Variants in NBEAL1 observed in about 807,000 individuals in gnomAD.
NBEAL1 encodes the protein neurobeachin like 1, also known as neurobeachin-like protein 1.
In NBEAL1, 273 loss-of-function variants were observed where a neutral mutation model predicts 351.3. That is an observed-to-expected ratio of 0.78 (90% CI 0.70 to 0.86). The LOEUF (loss-of-function observed/expected upper bound fraction) is 0.86. Ranked by LOEUF, NBEAL1 falls within the 40% of genes least tolerant of loss-of-function variation. NBEAL1 has a pLI of 0.00. For missense variants in NBEAL1, 2,961 were observed against 3,201.3 expected (o/e 0.92, Z 1.81); for synonymous variants, 1,050 against 1,086.4 (o/e 0.97, Z 0.66).
chr2:203,137,444 C>T (rs770869088), intron 29 of NBEAL1, among the ~76,000 whole-genome samples: 4 of 152,018 alleles, frequency 2.6e-5, no homozygotes, highest in South Asian at 2.1e-4. Flanking sequence ...GGTAGTACAC[C>T]GGGGAAGTAT....
chr2:203,134,355 A>C (rs1480783320), intron 27 of NBEAL1, among the ~76,000 whole-genome samples: 1 of 152,202 alleles, frequency 6.6e-6, no homozygotes, highest in Non-Finnish European at 1.5e-5. Flanking sequence ...TTTGCCAAGT[A>C]AAGCTTAATC....
chr2:203,140,208 T>C (rs1575031094), intron 31 of NBEAL1, among the ~76,000 whole-genome samples: 1 of 150,538 alleles, frequency 6.6e-6, no homozygotes, highest in Non-Finnish European at 1.5e-5. Context: ...GGTGCTGAGG[T>C]AGGAGAATCA....
At chr2:203,210,778 G>A (rs77355540) in intron 53 of NBEAL1, among the ~76,000 whole-genome samples, 180 bp from the exon 54 acceptor site, 2,092 of 152,202 alleles carry the variant, frequency 0.014, 37 homozygotes, top group Admixed American at 0.046. Flanking sequence ...TATTTACTTG[G>A]CAATCTGATT....
rs1483783095 is a variant in NBEAL1, at chr2:203,016,270, T to G, written c.-115T>G. ...TTTGTTTCACTTCTTTTTGCTTTCT[T>G]TACTGCTATGAGCTTTACTGAACGG... On this transcript the variant is annotated 5_prime_UTR_variant, in exon 2 of 56. Coordinates refer to ENST00000683969, the MANE Select transcript of NBEAL1 (RefSeq NM_001378026.1). 3.2e-6 allele frequency: 2 copies of G among 632,186 alleles called. No individual in the cohort carries two copies. The highest frequency in any genetic ancestry group is 3.7e-5 in the African/African-American group (2 of 53,432). 39.2% of individuals were successfully genotyped at this position (632,186 alleles called of 1,614,324 possible).
chr2:203,151,997 G>T (rs958351607), intron 35 of NBEAL1, among the ~76,000 whole-genome samples: 1 of 150,626 alleles, frequency 6.6e-6, no homozygotes, highest in Non-Finnish European at 1.5e-5. Context: ...TCACTCTGTC[G>T]CCCAGGCTGA....
At chr2:203,059,714 A>C (rs1163266058) in intron 6 of NBEAL1, among the ~76,000 whole-genome samples, 4 of 152,154 alleles carry the variant, frequency 2.6e-5, no homozygotes, top group Non-Finnish European at 2.9e-5. Flanking sequence ...CCTGCTTATG[A>C]GTCTTTAAAG....
rs1314844010 is a variant in NBEAL1 at position 203,197,319 on chromosome 2, T to C, written c.7056T>C (p.Ile2352=). Reference sequence around the variant, plus strand: ...TTTTATAGGGGATTAGTGATGGTATTCCACTATTAAAGGCCACCATCCCCA... The same window carrying C: ...TTTTATAGGGGATTAGTGATGGTATCCCACTATTAAAGGCCACCATCCCCA... The part of the protein sequence containing the change: ...SFFIEGISDG[I]PLLKATIPKN... Residue 2352 remains isoleucine (I), a synonymous_variant, in exon 48 of 56, where the codon ATT becomes ATC. Transcript: ENST00000683969. The C allele has an allele frequency of 1.2e-5, 19 of 1,589,552 alleles. No homozygotes were observed. In the Middle Eastern group the frequency reaches 6.7e-4, roughly 56 times the overall value.
At chr2:203,057,846 T>G (rs1429444358) in intron 6 of NBEAL1, among the ~76,000 whole-genome samples, 1 of 150,696 alleles carries the variant, frequency 6.6e-6, no homozygotes, top group African/African-American at 2.4e-5. Context: ...TTTGTTTTTT[T>G]GTCTTTTTGA....
intron 54 of NBEAL1, 111 bp from the exon 55 acceptor site, chr2:203,213,407 A>G: frequency 2.0e-6 from 2 of 1,016,514 alleles, no homozygotes; most frequent in South Asian, 3.4e-5. Context: ...CCACATCTGT[A>G]AAATTAGAAT....
intron 6 of NBEAL1, among the ~76,000 whole-genome samples, chr2:203,064,382 G>A (rs2061548231): frequency 6.6e-6 from 1 of 152,050 alleles, no homozygotes; most frequent in Non-Finnish European, 1.5e-5. Flanking sequence ...GTCTCCCCAC[G>A]ATTACTTATT....
intron 27 of NBEAL1, among the ~76,000 whole-genome samples, chr2:203,133,792 T>C (rs913630928): frequency 6.6e-6 from 1 of 151,232 alleles, no homozygotes; most frequent in Non-Finnish European, 1.5e-5. Flanking sequence ...CACACACATA[T>C]ATAATTTATT....
At chr2:203,208,847 A>T in intron 52 of NBEAL1, 94 bp downstream of exon 52, 1 of 898,922 alleles carries the variant, frequency 1.1e-6, no homozygotes, top group South Asian at 1.8e-5. Context: ...AATTGATAAG[A>T]GTATAGAAAT....
At chr2:203,053,692 A>AT (rs988025719) in intron 4 of NBEAL1, among the ~76,000 whole-genome samples, 6 of 151,310 alleles carry the variant, frequency 4.0e-5, no homozygotes, top group African/African-American at 9.7e-5. Flanking sequence ...ATTTTTTTTA[A>AT]TTTTTTGTAG....
chr2:203,139,701 A>G (rs1263335562), intron 31 of NBEAL1, among the ~76,000 whole-genome samples: 1 of 149,562 alleles, frequency 6.7e-6, no homozygotes, highest in Admixed American at 6.7e-5. Flanking sequence ...AGTAGCTGGG[A>G]CTACGGGTGC....
At chr2:203,037,558 G>A (rs1377962443) in intron 2 of NBEAL1, among the ~76,000 whole-genome samples, 1 of 148,996 alleles carries the variant, frequency 6.7e-6, no homozygotes, top group African/African-American at 2.4e-5. Flanking sequence ...CTTTAGTCAA[G>A]AAATGGAAAA....
chr2:203,046,438 C>CCA (rs892341648), intron 3 of NBEAL1, among the ~76,000 whole-genome samples: 18 of 152,162 alleles, frequency 1.2e-4, no homozygotes, highest in African/African-American at 4.3e-4. Flanking sequence ...AAGATGGTCT[C>CCA]CATCTCCTGA....
chr2:203,211,022 A>C lies in NBEAL1; in HGVS notation c.7850A>C (p.Glu2617Ala). 1 of 1,607,276 alleles carries C rather than the reference A, an allele frequency of 6.2e-7. No homozygotes were observed. The highest frequency in any genetic ancestry group is 1.1e-5 in the South Asian group (1 of 90,016). The stretch of plus-strand genomic sequence containing the variant: ...TATCTAGGGTCTCAAATCCTGAAGG[A>C]ACAAGTATCAGATATATGTATAATC... ...GKYLGSQILK[E>A]QVSDICIIGE... Residue 2617 changes from glutamate to alanine, a missense_variant, in exon 54 of 56, where the codon GAA (glutamate) becomes GCA (alanine). By Grantham distance (107) the Glu-to-Ala change is moderately radical. Transcript: ENST00000683969.
At chr2:203,205,507 G>C (rs1348895088) in intron 51 of NBEAL1, among the ~76,000 whole-genome samples, 1 of 152,008 alleles carries the variant, frequency 6.6e-6, no homozygotes, top group Non-Finnish European at 1.5e-5. Context: ...CTTTACAGCT[G>C]TTTTTCCCAG....
intron 23 of NBEAL1, among the ~76,000 whole-genome samples, chr2:203,127,448 G>T (rs2062965022): frequency 6.6e-6 from 1 of 152,176 alleles, no homozygotes; most frequent in Non-Finnish European, 1.5e-5. Flanking sequence ...ATTAGGCTGG[G>T]CGCGGTGGCT....
Sources: allele counts gnomAD v4.1 joint callset (sites outside exome capture counted in the v4.1 genomes callset), GRCh38; gene constraint gnomAD v4.1.1; transcripts MANE v1.5; gene names NCBI Gene and HGNC (gene_info 2026-07-23, HGNC 2026-07-21).